The following MECOM variants were observed in gnomAD, a reference collection of about 807,000 sequenced individuals.
MECOM encodes the protein histone-lysine N-methyltransferase MECOM.
A neutral mutation model predicts 116.3 loss-of-function variants in MECOM; 13 were observed. That is an observed-to-expected ratio of 0.11 (90% confidence interval 0.07 to 0.18). The LOEUF is 0.18. Ranked by LOEUF, MECOM falls within the 10% of genes least tolerant of loss-of-function variation. MECOM has a pLI of 1.00. For missense variants in MECOM, 1,299 were observed against 1,509.0 expected, an observed-to-expected ratio of 0.86 and a Z score of 2.31; for synonymous variants, 528 against 535.2, an observed-to-expected ratio of 0.99 and a Z score of 0.19.
intron 2 of MECOM, among the ~76,000 whole-genome samples, chr3:169,287,022 T>C (rs1713458372): frequency 6.6e-6 from 1 of 152,210 alleles, no homozygotes. Flanking sequence ...TTCCTTGTAC[T>C]CGGTGTGATA....
intron 1 of MECOM, among the ~76,000 whole-genome samples, chr3:169,536,905 T>A (rs1243129135): frequency 1.3e-5 from 2 of 152,196 alleles, no homozygotes; most frequent in Non-Finnish European, 2.9e-5. Flanking sequence ...AGTAAGCTAC[T>A]ATTATTTTTG....
intron 2 of MECOM, among the ~76,000 whole-genome samples, chr3:169,377,574 C>T (rs2108239765): frequency 6.6e-6 from 1 of 152,250 alleles, no homozygotes; most frequent in Non-Finnish European, 1.5e-5. Context: ...TGCAAAAAAG[C>T]TCATAATCAC....
intron 2 of MECOM, among the ~76,000 whole-genome samples, chr3:169,377,124 T>C (rs941931594): frequency 2.0e-5 from 3 of 152,180 alleles, no homozygotes; most frequent in African/African-American, 7.2e-5. Context: ...TGGCAAGCCA[T>C]ATGCAGAAAA....
chr3:169,435,980 G>A (rs1742564527), intron 1 of MECOM, among the ~76,000 whole-genome samples: 1 of 152,088 alleles, frequency 6.6e-6, no homozygotes, highest in Non-Finnish European at 1.5e-5. Context: ...TATTTCCCTG[G>A]ATGTTTACAA....
chr3:169,179,988 T>G (rs1745735925), intron 2 of MECOM, among the ~76,000 whole-genome samples: 1 of 152,210 alleles, frequency 6.6e-6, no homozygotes, highest in South Asian at 2.1e-4. Flanking sequence ...TCATTGGTAA[T>G]GTAGTCAACC....
chr3:169,608,516 C>T (rs540396817), intron 1 of MECOM, among the ~76,000 whole-genome samples: 32 of 152,182 alleles, frequency 2.1e-4, no homozygotes, highest in African/African-American at 7.2e-4. Flanking sequence ...CCTCCTAAAG[C>T]GAGTCTTGGT....
chr3:169,229,985 C>T (rs1753179999), intron 2 of MECOM, among the ~76,000 whole-genome samples: 1 of 152,120 alleles, frequency 6.6e-6, no homozygotes, highest in South Asian at 2.1e-4. Context: ...GACTTAATTG[C>T]ATTTTTGAGT....
At chr3:169,594,316 T>A (rs918556466) in intron 1 of MECOM, among the ~76,000 whole-genome samples, 1 of 152,190 alleles carries the variant, frequency 6.6e-6, no homozygotes, top group African/African-American at 2.4e-5. Flanking sequence ...CAATTTTCTA[T>A]GTCTATCTAG....
intron 2 of MECOM, among the ~76,000 whole-genome samples, chr3:169,224,314 A>G (rs564758961): frequency 6.6e-6 from 1 of 152,312 alleles, no homozygotes; most frequent in East Asian, 1.9e-4. Context: ...AGAGCATGCA[A>G]TACTGGCTAA....
At chr3:169,289,445 C>T (rs1714054933) in intron 2 of MECOM, among the ~76,000 whole-genome samples, 1 of 152,188 alleles carries the variant, frequency 6.6e-6, no homozygotes, top group African/African-American at 2.4e-5. Flanking sequence ...TGACACCAAA[C>T]CACATCCTTC....
At chr3:169,649,031 A>G (rs1213771713) in intron 1 of MECOM, among the ~76,000 whole-genome samples, 1 of 152,202 alleles carries the variant, frequency 6.6e-6, no homozygotes, top group East Asian at 1.9e-4. Context: ...TGGAAGGAGT[A>G]ATTTGCCCAT....
chr3:169,501,924 G>A (rs1346787352), intron 1 of MECOM, among the ~76,000 whole-genome samples: 1 of 152,022 alleles, frequency 6.6e-6, no homozygotes, highest in Non-Finnish European at 1.5e-5. Flanking sequence ...CTGGTTCAAG[G>A]TCTGTATCAA....
At chr3:169,443,046 CAA>C (rs148053213) in intron 1 of MECOM, among the ~76,000 whole-genome samples, 8 of 148,712 alleles carry the variant, frequency 5.4e-5, no homozygotes, top group African/African-American at 2.0e-4. Flanking sequence ...ACCACAGCAT[CAA>C]AAAAAAAATT....
chr3:169,216,211 C>A (rs1751401941), intron 2 of MECOM, among the ~76,000 whole-genome samples: 1 of 152,154 alleles, frequency 6.6e-6, no homozygotes, highest in Admixed American at 6.5e-5. Flanking sequence ...CCGAATCTTT[C>A]TTTTCTGATG....
chr3:169,354,582 A>G (rs757099839), intron 2 of MECOM, among the ~76,000 whole-genome samples: 6 of 151,944 alleles, frequency 3.9e-5, no homozygotes, highest in Non-Finnish European at 8.8e-5. Context: ...TTTAACTTGT[A>G]TCTTGGAAAT....
rs1004990133 is a variant in MECOM at position 169,101,020 on chromosome 3, T to C, written c.2772-58A>G. 4.9e-6 allele frequency: 6 copies of C among 1,233,590 alleles called. No individual in the cohort carries two copies. In the East Asian group the frequency reaches 7.1e-5, roughly 15 times the overall value. 76.4% of individuals were successfully genotyped at this position (1,233,590 alleles called of 1,614,324 possible). Reference sequence around the variant, plus strand: ...AGCACAGTTGACTATATTTCACTCATGCCACACAGCAGCCAGATGCTTATT... The same window carrying C: ...AGCACAGTTGACTATATTTCACTCACGCCACACAGCAGCCAGATGCTTATT... On this transcript the variant is annotated intron_variant, in intron 11 of 16. Transcript: ENST00000651503.
chr3:169,642,489 T>C (rs1158937275), intron 1 of MECOM, among the ~76,000 whole-genome samples: 1 of 148,582 alleles, frequency 6.7e-6, no homozygotes, highest in East Asian at 2.0e-4. Flanking sequence ...ATTCATCCAC[T>C]GTAGGGTAGG....
intron 2 of MECOM, among the ~76,000 whole-genome samples, chr3:169,326,595 C>T (rs1293261965): frequency 6.6e-6 from 1 of 152,054 alleles, no homozygotes; most frequent in Admixed American, 6.6e-5. Context: ...CAGAAATGAC[C>T]GTTCTTTCAT....
At position 169,112,892 on chromosome 3, in the gene MECOM, G is replaced by T. The variant is rs770148821; in HGVS notation, c.2490-18C>A. 1.9e-6 allele frequency: 3 copies of T among 1,565,660 alleles called. No individual in the cohort carries two copies. In the South Asian group the frequency reaches 3.4e-5, roughly 18 times the overall value. ...TCTCTACTCTGAAAGGTTAAAATTA[G>T]ATTTTGGAGATGAAGCAGTCTCACA... is the stretch of plus-strand genomic sequence containing the variant. On this transcript the variant is annotated intron_variant, in intron 8 of 16. Transcript: ENST00000651503.
Sources: allele counts gnomAD v4.1 joint callset (sites outside exome capture counted in the v4.1 genomes callset), GRCh38; gene constraint gnomAD v4.1.1; transcripts MANE v1.5; gene names NCBI Gene and HGNC (gene_info 2026-07-23, HGNC 2026-07-21).